Variants in ITGB7 observed in about 807,000 individuals in gnomAD.
ITGB7 encodes integrin subunit beta 7, also known as integrin beta-7.
In ITGB7, 55 loss-of-function variants were observed where a neutral mutation model predicts 83.4. The observed-to-expected ratio is 0.66, with a 90% CI of 0.53 to 0.83. The LOEUF (loss-of-function observed/expected upper bound fraction) is 0.83. ITGB7 is among the 40% of genes least tolerant of loss of function. The probability of loss-of-function intolerance (pLI) is 0.00; values close to 1 mark genes in which losing one functional copy is unlikely to be tolerated. For missense variants in ITGB7, 921 were observed against 1,046.7 expected (o/e 0.88, Z 1.66); for synonymous variants, 454 against 423.6 (o/e 1.07, Z -0.88).
Position 53,192,405 on chromosome 12 carries a change from C to A in ITGB7, c.2080G>T (p.Asp694Tyr). The change falls in exon 14 of 16, where the codon GAC becomes TAC. Residue 694 changes from aspartate to tyrosine, a missense_variant. Asp to Tyr is a radical substitution (Grantham distance 160). Coordinates refer to ENST00000267082, the MANE Select transcript of ITGB7 (RefSeq NM_000889.3). Reference sequence around the variant, plus strand: ...ACCAAGAAGAAGAACAGCTGGTTGTCCAGGGTCCGCTCTTTGCACCAGCCA... The same window carrying A: ...ACCAAGAAGAAGAACAGCTGGTTGTACAGGGTCCGCTCTTTGCACCAGCCA... ...DDGWCKERTL[D>Y]NQLFFFLVED... 1 of 1,614,134 alleles carries A rather than the reference C, an allele frequency of 6.2e-7. No individual in the cohort carries two copies. Among genetic ancestry groups the A allele is most frequent in the Non-Finnish European group, 8.5e-7 (1 of 1,180,018 alleles).
At position 53,196,163 on chromosome 12, in the gene ITGB7, CCAG is replaced by C; in HGVS notation, c.850_852del (p.Leu284del). 6.2e-7 allele frequency: 1 copy of C among 1,614,186 alleles called. No homozygotes were observed. The highest frequency in any genetic ancestry group is 8.5e-7 in the Non-Finnish European group (1 of 1,180,020). On this transcript the variant is annotated inframe_deletion, in exon 7 of 16. Transcript: ENST00000267082. ...TGGAATGTGTCGTCTGAAGTGAACACCAGCAGCCGGGACACATTTCTCCAGCCA... is the reference window on the plus strand; with the variant it reads ...TGGAATGTGTCGTCTGAAGTGAACACCAGCCGGGACACATTTCTCCAGCCA...
At position 53,197,963 on chromosome 12, in the gene ITGB7, G is replaced by A. The variant is rs1422971584; in HGVS notation, c.202-12C>T. The A allele has an allele frequency of 6.5e-7, 1 of 1,530,382 alleles. No homozygotes were observed. Among genetic ancestry groups the A allele is most frequent in the Non-Finnish European group, 8.7e-7 (1 of 1,144,510 alleles). 94.8% of individuals were successfully genotyped at this position (1,530,382 alleles called of 1,614,324 possible). On this transcript the variant is annotated splice_polypyrimidine_tract_variant and intron_variant, in intron 3 of 15. Coordinates refer to ENST00000267082, the MANE Select transcript of ITGB7 (RefSeq NM_000889.3). Reference sequence around the variant, plus strand: ...GACGCGGTGAAGTTCTGCTCAGCAAGAAAAGGCGCGTCGGGACCCGGTCCT... The same window carrying A: ...GACGCGGTGAAGTTCTGCTCAGCAAAAAAAGGCGCGTCGGGACCCGGTCCT...
At chr12:53,206,416 G>A (rs964419913) in intron 1 of ITGB7, among the ~76,000 whole-genome samples, 3 of 152,138 alleles carry the variant, frequency 2.0e-5, no homozygotes, top group African/African-American at 7.2e-5. Context: ...GCAGGGCCAG[G>A]CCTCTGCTGT....
intron 9 of ITGB7, chr12:53,194,628 A>C (rs898006526): frequency 2.9e-6 from 1 of 349,204 alleles, no homozygotes; most frequent in Non-Finnish European, 5.4e-6. Context: ...TACAGAGACC[A>C]TGTTTGTGAA....
At chr12:53,194,172 T>C (rs779425131) in intron 10 of ITGB7, 26 bp downstream of exon 10, 57 of 1,613,588 alleles carry the variant, frequency 3.5e-5, no homozygotes, top group Non-Finnish European at 4.6e-5. Flanking sequence ...CCTGCCCGCC[T>C]TCTGCCTGTG....
In ITGB7 at chr12:53,195,361, C is replaced by G. The variant is rs752023216; in HGVS notation, c.1161+13G>C. On this transcript the variant is annotated intron_variant, in intron 9 of 15. Transcript: ENST00000267082. Reference sequence around the variant, plus strand: ...GCCCACCCTCACCATCTCCCCTTCCCCTGGCCCCTCACATTATAAGCATCC... The same window carrying G: ...GCCCACCCTCACCATCTCCCCTTCCGCTGGCCCCTCACATTATAAGCATCC... The G allele has an allele frequency of 6.3e-7, 1 of 1,599,538 alleles. No individual in the cohort carries two copies. Among genetic ancestry groups the G allele is most frequent in the African/African-American group, 1.3e-5 (1 of 74,746 alleles).
Position 53,191,899 on chromosome 12 carries a change from CTG to C in ITGB7, c.2274_2275del (p.Tyr758Ter), listed in dbSNP as rs779325309. On this transcript the variant is annotated stop_gained and frameshift_variant, in exon 15 of 16. Transcript: ENST00000267082. LOFTEE classifies it high-confidence loss of function. The stretch of plus-strand genomic sequence containing the variant: ...TTGTTGCTGCTCCTTCTCAAAGCGA[CTG>C]TATTCCCGGCGGTCATAGATTTCCA... 3.1e-6 allele frequency: 5 copies of C among 1,612,794 alleles called. No homozygotes were observed. The highest frequency in any genetic ancestry group is 1.3e-5 in the African/African-American group (1 of 74,904).
chr12:53,199,383 T>C (rs1257652760), intron 3 of ITGB7, among the ~76,000 whole-genome samples: 2 of 152,074 alleles, frequency 1.3e-5, no homozygotes, highest in Admixed American at 1.3e-4. Context: ...CCCATATGCT[T>C]CCACCCCTTC....
chr12:53,192,955 A>T (rs1462873039), intron 12 of ITGB7, 45 bp from the exon 13 acceptor site: 1 of 1,575,196 alleles, frequency 6.3e-7, no homozygotes, highest in African/African-American at 1.3e-5. Flanking sequence ...CTCCACACAC[A>T]CAGTTGGCCA....
chr12:53,193,046 T>C (rs1263003698), intron 12 of ITGB7, 94 bp downstream of exon 12: 1 of 1,389,312 alleles, frequency 7.2e-7, no homozygotes, highest in East Asian at 2.4e-5. Context: ...CCGGAATCTT[T>C]TGATATTTGC....
chr12:53,197,193 G>A, intron 5 of ITGB7: 1 of 560,336 alleles, frequency 1.8e-6, no homozygotes, highest in Non-Finnish European at 3.2e-6. Flanking sequence ...CTTGCATCAG[G>A]GCAGGTTCCA....
chr12:53,192,707 G>C lies in ITGB7; in HGVS notation c.1930C>G (p.Pro644Ala). The change falls in exon 13 of 16, where the codon CCA (proline) becomes GCA (alanine). Residue 644 changes from proline to alanine, a missense_variant. Pro to Ala is a conservative substitution (Grantham distance 27). Transcript: ENST00000267082. Reference protein sequence around the residue: ...LCDQCPGCKTPCERHRDCAEC... With the variant: ...LCDQCPGCKTACERHRDCAEC... ...AGGCCTCACCGGTGTCTCTCGCATGGTGTCTTGCAGCCTGGGCATTGGTCG... is the reference window on the plus strand; with the variant it reads ...AGGCCTCACCGGTGTCTCTCGCATGCTGTCTTGCAGCCTGGGCATTGGTCG... The C allele has an allele frequency of 6.2e-7, 1 of 1,613,970 alleles. No individual in the cohort carries two copies. The highest frequency in any genetic ancestry group is 8.5e-7 in the Non-Finnish European group (1 of 1,179,928).
In ITGB7 at chr12:53,192,176, C is replaced by T. The variant is rs576160318; in HGVS notation, c.2155+154G>A. Reference sequence around the variant, plus strand: ...TTATCCTCACCGCCCAGGGCCTTAGCCTCGTCCACTTGCTCAATTGCCTCT... The same window carrying T: ...TTATCCTCACCGCCCAGGGCCTTAGTCTCGTCCACTTGCTCAATTGCCTCT... On this transcript the variant is annotated intron_variant, in intron 14 of 15. Transcript: ENST00000267082. 4.0e-4 allele frequency: 477 copies of T among 1,196,046 alleles called. 1 individual carries two copies. Among genetic ancestry groups the T allele is most frequent in the Non-Finnish European group, 6.5e-5 (55 of 850,426 alleles). The allele number at this position is 1,196,046 out of a possible 1,614,324, so 74.1% of individuals were successfully genotyped here. A position where few individuals can be genotyped will look rare whatever the true frequency, so the allele number is the denominator to read the frequency against.
rs150629868 is a variant in ITGB7, at chr12:53,196,655, C to T, written c.740G>A (p.Gly247Glu). ...CAGATTGCCGGACACACTCTGGCGC[C>T]CCACCTCCCGCTCGAAGGCTTGTGC... ...GDAQAFEREV[G>E]RQSVSGNLDS... The change falls in exon 6 of 16, where the codon GGG becomes GAG. Residue 247 changes from glycine to glutamate, a missense_variant. Transcript: ENST00000267082. 1.2e-6 allele frequency: 2 copies of T among 1,612,006 alleles called. No homozygotes were observed. Among genetic ancestry groups the T allele is most frequent in the Non-Finnish European group, 8.5e-7 (1 of 1,178,962 alleles).
chr12:53,195,980 G>C, intron 7 of ITGB7, 61 bp downstream of exon 7: 1 of 1,582,412 alleles, frequency 6.3e-7, no homozygotes, highest in Admixed American at 1.7e-5. Flanking sequence ...GGGAGTGGGA[G>C]TCCTGGAAGG....
At chr12:53,203,143 C>T (rs1469248087) in intron 1 of ITGB7, among the ~76,000 whole-genome samples, 1 of 151,988 alleles carries the variant, frequency 6.6e-6, no homozygotes, top group Non-Finnish European at 1.5e-5. Flanking sequence ...CGAAGACAAC[C>T]CACAGAATGG....
chr12:53,195,784 C>T (rs1942141674), intron 7 of ITGB7, 63 bp from the exon 8 acceptor site: 1 of 1,393,804 alleles, frequency 7.2e-7, no homozygotes, highest in Non-Finnish European at 1.0e-6. Context: ...GCAAGGTGCC[C>T]TCAGCCCAGG....
chr12:53,192,611 G>A, intron 13 of ITGB7, 73 bp from the exon 14 acceptor site: 1 of 1,598,078 alleles, frequency 6.3e-7, no homozygotes, highest in Non-Finnish European at 8.6e-7. Context: ...CTACAAGCAG[G>A]ACGGAGAGTA....
In ITGB7 at chr12:53,197,729, GC is replaced by G; in HGVS notation, c.403+20del. 1 of 1,585,794 alleles carries G rather than the reference GC, an allele frequency of 6.3e-7. No homozygotes were observed. Among genetic ancestry groups the G allele is most frequent in the Non-Finnish European group, 8.6e-7 (1 of 1,166,798 alleles). ...AACGCCAGCCTAGACCTCTGGCCTGGCCCCGCCTCCCCTAACTCACCAGGCC... is the reference window on the plus strand; with the variant it reads ...AACGCCAGCCTAGACCTCTGGCCTGGCCCGCCTCCCCTAACTCACCAGGCC... On this transcript the variant is annotated intron_variant, in intron 4 of 15. Transcript: ENST00000267082.
Sources: gnomAD v4.1 joint callset for allele counts (sites outside exome capture counted in the v4.1 genomes callset) on GRCh38, gnomAD v4.1.1 for gene constraint, MANE v1.5 for transcripts, NCBI Gene and HGNC (gene_info 2026-07-23, HGNC 2026-07-21) for gene names.